The following NRXN1 variants were observed in gnomAD, a reference collection of about 807,000 sequenced individuals.
The protein encoded by NRXN1 is neurexin-1.
In NRXN1, 39 loss-of-function variants were observed where a neutral mutation model predicts 150.9. That is an observed-to-expected ratio of 0.26 (90% CI 0.20 to 0.34). The LOEUF is 0.34. NRXN1 is among the 10% of genes least tolerant of loss of function. The probability of loss-of-function intolerance (pLI) is 1.00; values close to 1 mark genes in which losing one functional copy is unlikely to be tolerated. For missense variants in NRXN1, 1,815 were observed against 1,949.9 expected (o/e 0.93, Z 1.30); for synonymous variants, 924 against 757.0 (o/e 1.22, Z -3.62).
chr2:50,194,890 C>T (rs868720299), intron 18 of NRXN1, among the ~76,000 whole-genome samples: 1 of 152,064 alleles, frequency 6.6e-6, no homozygotes, highest in Non-Finnish European at 1.5e-5. Flanking sequence ...CAACAGATAA[C>T]GTTAAGTATT....
intron 17 of NRXN1, among the ~76,000 whole-genome samples, chr2:50,358,793 C>T (rs965144617): frequency 1.3e-5 from 2 of 152,200 alleles, no homozygotes; most frequent in Non-Finnish European, 2.9e-5. Context: ...TGGGGAGACA[C>T]CTCCCAGCAT....
intron 5 of NRXN1, among the ~76,000 whole-genome samples, chr2:50,766,719 T>C (rs1702428647): frequency 6.6e-6 from 1 of 152,084 alleles, no homozygotes. Flanking sequence ...GTCCCACCAG[T>C]AGATAAACTC....
At chr2:50,979,373 G>A (rs1393745622) in intron 2 of NRXN1, 5 of 444,930 alleles carry the variant, frequency 1.1e-5, no homozygotes, top group Non-Finnish European at 4.5e-6. Context: ...AAATACCTTG[G>A]AAACTTGCCA....
At chr2:50,157,248 A>T (rs1277951246) in intron 18 of NRXN1, among the ~76,000 whole-genome samples, 1 of 151,974 alleles carries the variant, frequency 6.6e-6, no homozygotes, top group Non-Finnish European at 1.5e-5. Flanking sequence ...AACAAAATTC[A>T]AGTTGAGATC....
intron 18 of NRXN1, among the ~76,000 whole-genome samples, chr2:50,186,970 G>C (rs935901685): frequency 5.9e-5 from 9 of 151,916 alleles, no homozygotes; most frequent in African/African-American, 2.2e-4. Context: ...TATAAAGATG[G>C]TTCCTGGCAT....
chr2:50,178,272 G>T (rs1189183709), intron 18 of NRXN1, among the ~76,000 whole-genome samples: 1 of 152,006 alleles, frequency 6.6e-6, no homozygotes, highest in East Asian at 1.9e-4. Context: ...CACTGCACAA[G>T]AGAATCTTTT....
Position 50,774,671 on chromosome 2 carries a change from A to G in NRXN1, c.832+147198T>C, listed in dbSNP as rs113320815. Among the ~76,000 whole-genome samples, 275 of 152,280 alleles carry G rather than the reference A, an allele frequency of 1.8e-3. 5 individuals carry two copies. Among genetic ancestry groups the G allele is most frequent in the African/African-American group, 6.4e-3 (267 of 41,582 alleles). On this transcript the variant is annotated intron_variant, in intron 5 of 22. Coordinates refer to ENST00000401669, the MANE Select transcript of NRXN1 (RefSeq NM_001330078.2). Reference sequence around the variant, plus strand: ...ATTTCATGACATAATATTAGCTTTTATAGGAATCACTACTTGAAAAAGCAG... The same window carrying G: ...ATTTCATGACATAATATTAGCTTTTGTAGGAATCACTACTTGAAAAAGCAG...
intron 17 of NRXN1, among the ~76,000 whole-genome samples, chr2:50,266,372 A>G (rs1309888236): frequency 1.3e-5 from 2 of 149,188 alleles, no homozygotes; most frequent in Admixed American, 6.7e-5. Context: ...TGAATTCAAC[A>G]TAACTAAATA....
chr2:50,077,494 G>T (rs1305227763), intron 19 of NRXN1, among the ~76,000 whole-genome samples: 2 of 151,842 alleles, frequency 1.3e-5, no homozygotes, highest in Admixed American at 1.3e-4. Context: ...GCTTCCTTTT[G>T]CTTGTTTCGC....
chr2:50,523,268 A>G (rs983234955), intron 12 of NRXN1, among the ~76,000 whole-genome samples: 5 of 152,248 alleles, frequency 3.3e-5, no homozygotes, highest in African/African-American at 1.2e-4. Context: ...TTCTTTATTT[A>G]TACTTTGAAC....
At chr2:50,221,561 A>T (rs1211009919) in intron 18 of NRXN1, among the ~76,000 whole-genome samples, 4 of 150,724 alleles carry the variant, frequency 2.7e-5, no homozygotes, top group African/African-American at 1.0e-4. Context: ...CTTAAATTAT[A>T]TTTAGCCATC....
In NRXN1 at chr2:50,252,551, G is replaced by A. The variant is rs533204035; in HGVS notation, c.3365-15581C>T. ...TGAGATTACAGGTGTGAGCCACTGC[G>A]TCCAGCACATTTATATCTTTAATCC... On this transcript the variant is annotated intron_variant, in intron 17 of 22. Transcript: ENST00000401669. Among the ~76,000 whole-genome samples, 290 of 151,992 alleles carry A rather than the reference G, an allele frequency of 1.9e-3. 1 individual carries two copies. Among genetic ancestry groups the A allele is most frequent in the Non-Finnish European group, 2.8e-3 (187 of 67,934 alleles).
At chr2:50,251,349 G>A (rs12713092) in intron 17 of NRXN1, among the ~76,000 whole-genome samples, 86,698 of 151,772 alleles carry the variant, frequency 0.57, 25,266 homozygotes, top group African/African-American at 0.67. Flanking sequence ...TGTCTCTGCA[G>A]AAGACACGAT....
chr2:50,877,959 A>T (rs1471849696), intron 5 of NRXN1, among the ~76,000 whole-genome samples: 1 of 151,912 alleles, frequency 6.6e-6, no homozygotes, highest in African/African-American at 2.4e-5. Context: ...CCAAGATTTC[A>T]CATCCAACCA....
intron 17 of NRXN1, among the ~76,000 whole-genome samples, chr2:50,254,295 T>A (rs1235534573): frequency 7.8e-6 from 1 of 128,954 alleles, no homozygotes; most frequent in African/African-American, 2.9e-5. Flanking sequence ...TCAATTTGAT[T>A]ATTTTCTCTT....
At chr2:50,953,192 A>C (rs1315577077) in intron 2 of NRXN1, among the ~76,000 whole-genome samples, 1 of 152,224 alleles carries the variant, frequency 6.6e-6, no homozygotes, top group Non-Finnish European at 1.5e-5. Flanking sequence ...TCCATTGAAC[A>C]AAGTTGAAAT....
At chr2:50,154,652 C>T (rs1364205045) in intron 18 of NRXN1, among the ~76,000 whole-genome samples, 1 of 151,484 alleles carries the variant, frequency 6.6e-6, no homozygotes, top group Non-Finnish European at 1.5e-5. Flanking sequence ...ACATACAAGT[C>T]AGACAAAGGA....
intron 17 of NRXN1, among the ~76,000 whole-genome samples, chr2:50,327,432 C>T (rs982294032): frequency 2.0e-5 from 3 of 152,076 alleles, no homozygotes; most frequent in Non-Finnish European, 4.4e-5. Context: ...TACAGAAATG[C>T]CCTGTGTATG....
At chr2:49,992,363 C>T (rs375728617) in intron 21 of NRXN1, among the ~76,000 whole-genome samples, 1 of 150,760 alleles carries the variant, frequency 6.6e-6, no homozygotes, top group Admixed American at 6.6e-5. Flanking sequence ...CATGGTGAAA[C>T]TCCGTCTCTA....
Sources: allele counts gnomAD v4.1 joint callset (sites outside exome capture counted in the v4.1 genomes callset), GRCh38; gene constraint gnomAD v4.1.1; transcripts MANE v1.5; gene names NCBI Gene and HGNC (gene_info 2026-07-23, HGNC 2026-07-21).